Variants in MLLT3 observed in about 807,000 individuals in gnomAD.
MLLT3 encodes the protein protein AF-9.
A neutral mutation model predicts 53.2 loss-of-function variants in MLLT3; 4 were observed. That is an observed-to-expected ratio of 0.08 (90% CI 0.04 to 0.17). The LOEUF (loss-of-function observed/expected upper bound fraction) is 0.17, where lower values mean the gene tolerates loss of function less well. MLLT3 is among the 10% of genes least tolerant of loss of function. The probability of loss-of-function intolerance (pLI) is 1.00; values close to 1 mark genes in which losing one functional copy is unlikely to be tolerated. For missense variants in MLLT3, 569 were observed against 684.0 expected, an observed-to-expected ratio of 0.83 and a Z score of 1.87; for synonymous variants, 283 against 230.6, an observed-to-expected ratio of 1.23 and a Z score of -2.06.
At position 20,360,196 on chromosome 9, in the gene MLLT3, A is replaced by G. The variant is rs558955509; in HGVS notation, c.1431+546T>C. ...ACGAGAAAACTGAGGCCGAACACCT[A>G]TAATAATAAACTACCATCAACTGAG... On this transcript the variant is annotated intron_variant, in intron 8 of 10. Transcript: ENST00000380338. Among the ~76,000 whole-genome samples, 12 of 152,348 alleles carry G rather than the reference A, an allele frequency of 7.9e-5. No individual in the cohort carries two copies. In the South Asian group the frequency reaches 1.5e-3, roughly 18 times the overall value.
intron 2 of MLLT3, among the ~76,000 whole-genome samples, chr9:20,613,259 G>C (rs2131210532): frequency 6.6e-6 from 1 of 152,182 alleles, no homozygotes; most frequent in South Asian, 2.1e-4. Context: ...CCACAGACTT[G>C]CACACTTTAA....
At chr9:20,510,851 C>G (rs1397335712) in intron 2 of MLLT3, among the ~76,000 whole-genome samples, 1 of 152,062 alleles carries the variant, frequency 6.6e-6, no homozygotes, top group East Asian at 1.9e-4. Context: ...ACTAAAGCAC[C>G]AGCATTTAAA....
At chr9:20,372,221 G>A (rs143432349) in intron 5 of MLLT3, among the ~76,000 whole-genome samples, 29 of 152,274 alleles carry the variant, frequency 1.9e-4, no homozygotes, top group Admixed American at 1.8e-3. Context: ...TTGTTGAAAC[G>A]ACAATAAAGA....
chr9:20,449,942 ACCT>A (rs2118849479), intron 3 of MLLT3, among the ~76,000 whole-genome samples: 1 of 152,292 alleles, frequency 6.6e-6, no homozygotes, highest in African/African-American at 2.4e-5. Context: ...AGTCAGTTCC[ACCT>A]GTGTGACAGT....
intron 2 of MLLT3, among the ~76,000 whole-genome samples, chr9:20,503,975 A>T (rs529838079): frequency 6.6e-6 from 1 of 152,332 alleles, no homozygotes; most frequent in South Asian, 2.1e-4. Flanking sequence ...TAATCATCAG[A>T]GACATGCAAA....
intron 3 of MLLT3, among the ~76,000 whole-genome samples, chr9:20,450,157 C>G (rs1823804728): frequency 6.6e-6 from 1 of 152,178 alleles, no homozygotes; most frequent in Non-Finnish European, 1.5e-5. Flanking sequence ...AAAATCATTC[C>G]CAACTGTTAC....
At chr9:20,519,414 C>T (rs561709167) in intron 2 of MLLT3, among the ~76,000 whole-genome samples, 1 of 152,204 alleles carries the variant, frequency 6.6e-6, no homozygotes, top group South Asian at 2.1e-4. Context: ...TATGTCATCA[C>T]TTTTAGGTAC....
chr9:20,349,722 C>A (rs1820964097), intron 10 of MLLT3, among the ~76,000 whole-genome samples: 2 of 152,208 alleles, frequency 1.3e-5, no homozygotes, highest in Non-Finnish European at 2.9e-5. Flanking sequence ...GGGCATTTCT[C>A]ATGCATTGTG....
chr9:20,451,467 A>G (rs1305424475), intron 3 of MLLT3, among the ~76,000 whole-genome samples: 1 of 152,204 alleles, frequency 6.6e-6, no homozygotes, highest in Non-Finnish European at 1.5e-5. Context: ...TCACTTTTCA[A>G]TAAAACCAAT....
intron 4 of MLLT3, among the ~76,000 whole-genome samples, chr9:20,420,405 G>A (rs1475708468): frequency 1.3e-5 from 2 of 152,116 alleles, no homozygotes; most frequent in Admixed American, 6.6e-5. Flanking sequence ...AATGGAATGG[G>A]CAAAGAAATA....
intron 2 of MLLT3, among the ~76,000 whole-genome samples, chr9:20,613,103 C>A (rs992060243): frequency 6.6e-6 from 1 of 152,054 alleles, no homozygotes; most frequent in Non-Finnish European, 1.5e-5. Context: ...AAGAGAATGA[C>A]GTGGCTCTTT....
At chr9:20,426,737 T>C (rs1274960631) in intron 4 of MLLT3, among the ~76,000 whole-genome samples, 2 of 151,942 alleles carry the variant, frequency 1.3e-5, no homozygotes, top group East Asian at 3.9e-4. Flanking sequence ...ATGATACAAC[T>C]AGATATTAGA....
Position 20,357,981 on chromosome 9 carries a change from G to GCACACA in MLLT3, c.1431+2755_1431+2760dup, listed in dbSNP as rs3222132. On this transcript the variant is annotated intron_variant, in intron 8 of 10. Transcript: ENST00000380338. ...CCCTACTTTTCTCCCTCCCTCCTGC[G>GCACACA]CACACACACACACACACACACACAC... Among the ~76,000 whole-genome samples the GCACACA allele has an allele frequency of 6.5e-3, 912 of 139,436 alleles. 14 individuals carry two copies. Among genetic ancestry groups the GCACACA allele is most frequent in the African/African-American group, 0.02 (721 of 36,576 alleles). 91.5% of individuals were successfully genotyped at this position (139,436 alleles called of 152,430 possible). A position where few individuals can be genotyped will look rare whatever the true frequency, so the allele number is the denominator to read the frequency against.
intron 5 of MLLT3, among the ~76,000 whole-genome samples, chr9:20,384,486 T>C (rs558063617): frequency 1.3e-5 from 2 of 152,262 alleles, no homozygotes; most frequent in East Asian, 1.9e-4. Flanking sequence ...AAGTTTAATG[T>C]ACTCATTTCC....
chr9:20,433,956 T>TAAAAAAAAAAA (rs1823340020), intron 4 of MLLT3, among the ~76,000 whole-genome samples: 1 of 130,164 alleles, frequency 7.7e-6, no homozygotes, highest in African/African-American at 3.6e-5. Context: ...CTACTAAAAA[T>TAAAAAAAAAAA]ACAAAAAAAA....
chr9:20,391,956 A>G (rs1238495406), intron 5 of MLLT3, among the ~76,000 whole-genome samples: 1 of 152,226 alleles, frequency 6.6e-6, no homozygotes, highest in Non-Finnish European at 1.5e-5. Flanking sequence ...AAGACAGAAA[A>G]CAACTAAAGA....
At chr9:20,366,560 C>T (rs897716654) in intron 5 of MLLT3, among the ~76,000 whole-genome samples, 2 of 152,092 alleles carry the variant, frequency 1.3e-5, no homozygotes, top group African/African-American at 4.8e-5. Context: ...GTATATACCC[C>T]ATAATGTGAT....
At chr9:20,576,528 G>T (rs1819656878) in intron 2 of MLLT3, among the ~76,000 whole-genome samples, 1 of 151,990 alleles carries the variant, frequency 6.6e-6, no homozygotes, top group Non-Finnish European at 1.5e-5. Flanking sequence ...ATATTGTTGT[G>T]CCAGGAAATA....
chr9:20,394,034 A>G (rs2118727926), intron 5 of MLLT3, among the ~76,000 whole-genome samples: 1 of 152,320 alleles, frequency 6.6e-6, no homozygotes, highest in East Asian at 1.9e-4. Flanking sequence ...ACTCTTTCAA[A>G]TCATTCAATG....
Sources: allele counts gnomAD v4.1 joint callset (sites outside exome capture counted in the v4.1 genomes callset), GRCh38; gene constraint gnomAD v4.1.1; transcripts MANE v1.5; gene names NCBI Gene and HGNC (gene_info 2026-07-23, HGNC 2026-07-21).